The following ZNF267 variants were observed in gnomAD, a reference collection of about 807,000 sequenced individuals.
ZNF267 encodes the protein zinc finger protein 267, also known as zinc finger (C2H2).
In ZNF267, 61 loss-of-function variants were observed where a neutral mutation model predicts 71.6. The observed-to-expected ratio is 0.85, with a 90% CI of 0.69 to 1.05. The LOEUF (loss-of-function observed/expected upper bound fraction) is 1.05. Ranked by LOEUF, ZNF267 falls within the 50% of genes least tolerant of loss-of-function variation. The probability of loss-of-function intolerance (pLI) is 0.00; values close to 1 mark genes in which losing one functional copy is unlikely to be tolerated. For synonymous variants in ZNF267, 288 were observed against 293.2 expected (o/e 0.98, Z 0.18); for missense variants, 852 against 870.0 (o/e 0.98, Z 0.26).
At chr16:31,874,658 C>T (rs1347341720) in intron 1 of ZNF267, among the ~76,000 whole-genome samples, 1 of 152,086 alleles carries the variant, frequency 6.6e-6, no homozygotes, top group African/African-American at 2.4e-5. Flanking sequence ...GGTTTTTCTC[C>T]CTAGAAACCT....
chr16:31,917,143 T>C lies in ZNF267; in HGVS notation c.*662T>C, dbSNP rs1047263318. ...AATCCGTGGTGTTCATGTGAAAATA[T>C]GTGTTCTGTTTTTTTTTCTGCATCA... On this transcript the variant is annotated 3_prime_UTR_variant, in exon 4 of 4. Coordinates refer to ENST00000300870, the MANE Select transcript of ZNF267 (RefSeq NM_003414.6). The C allele has an allele frequency of 6.6e-6, 1 of 152,170 alleles. No homozygotes were observed. Among genetic ancestry groups the C allele is most frequent in the South Asian group, 2.1e-4 (1 of 4,828 alleles). 9.4% of individuals were successfully genotyped at this position (152,170 alleles called of 1,614,324 possible).
At chr16:31,912,919 A>AATGTGT (rs2084146020) in intron 3 of ZNF267, 1 of 148,030 alleles carries the variant, frequency 6.8e-6, no homozygotes, top group African/African-American at 2.7e-5. Flanking sequence ...TCTCTATTTT[A>AATGTGT]TCTTGAATTT....
chr16:31,912,143 C>G (rs757326003), intron 3 of ZNF267: 9 of 151,612 alleles, frequency 5.9e-5, no homozygotes, highest in Non-Finnish European at 7.4e-5. Context: ...CCAATGAGTT[C>G]TGTACCTTCA....
At chr16:31,902,231 G>A (rs932788411) in intron 3 of ZNF267, among the ~76,000 whole-genome samples, 1 of 152,098 alleles carries the variant, frequency 6.6e-6, no homozygotes, top group Non-Finnish European at 1.5e-5. Context: ...GTAGCATGAT[G>A]CCTCCAGCTT....
intron 1 of ZNF267, among the ~76,000 whole-genome samples, chr16:31,884,164 C>T (rs372375425): frequency 2.0e-5 from 3 of 152,314 alleles, no homozygotes; most frequent in South Asian, 2.1e-4. Flanking sequence ...AAGTATGCCT[C>T]TAAGTCACCA....
At chr16:31,887,648 CT>C (rs1472127214) in intron 3 of ZNF267, among the ~76,000 whole-genome samples, 1 of 151,986 alleles carries the variant, frequency 6.6e-6, no homozygotes, top group Admixed American at 6.5e-5. Flanking sequence ...TATACTTCCC[CT>C]TTGTGTATCT....
intron 3 of ZNF267, among the ~76,000 whole-genome samples, chr16:31,899,127 A>G (rs1279457951): frequency 2.0e-5 from 3 of 152,186 alleles, no homozygotes; most frequent in African/African-American, 7.2e-5. Context: ...GATCAAGGAG[A>G]CAGAAAATTA....
rs1033500670 is a variant in ZNF267 at position 31,917,357 on chromosome 16, A to G, written c.*876A>G. ...TATTAAAGTAAGAGGGATATTCTGA[A>G]TTTTTGAAATTACTTCAATTCCTCC... is the stretch of plus-strand genomic sequence containing the variant. On this transcript the variant is annotated 3_prime_UTR_variant, in exon 4 of 4. Coordinates refer to ENST00000300870, the MANE Select transcript of ZNF267 (RefSeq NM_003414.6). The G allele has an allele frequency of 6.8e-6, 1 of 147,888 alleles. No homozygotes were observed. Among genetic ancestry groups the G allele is most frequent in the Non-Finnish European group, 1.5e-5 (1 of 66,348 alleles). 9.2% of individuals were successfully genotyped at this position (147,888 alleles called of 1,614,324 possible).
At chr16:31,910,948 C>T (rs2084130958) in intron 3 of ZNF267, among the ~76,000 whole-genome samples, 1 of 151,436 alleles carries the variant, frequency 6.6e-6, no homozygotes, top group Admixed American at 6.6e-5. Flanking sequence ...TTTACTGATC[C>T]AATTTTCATT....
intron 3 of ZNF267, among the ~76,000 whole-genome samples, chr16:31,893,396 A>G (rs1039701444): frequency 2.0e-5 from 3 of 152,068 alleles, no homozygotes; most frequent in African/African-American, 7.3e-5. Flanking sequence ...CCCTGGAGAC[A>G]TTTTCCCCAT....
At chr16:31,885,444 T>C (rs1567472804) in intron 3 of ZNF267, among the ~76,000 whole-genome samples, 188 bp downstream of exon 3, 1 of 152,232 alleles carries the variant, frequency 6.6e-6, no homozygotes, top group East Asian at 1.9e-4. Flanking sequence ...ATCTGATGAT[T>C]CTCCTTCCTC....
chr16:31,876,585 A>G (rs951588411), intron 1 of ZNF267, among the ~76,000 whole-genome samples: 1 of 152,246 alleles, frequency 6.6e-6, no homozygotes, highest in South Asian at 2.1e-4. Context: ...TTATTTACTA[A>G]ATGATCTGTT....
intron 1 of ZNF267, among the ~76,000 whole-genome samples, chr16:31,881,193 G>C (rs1367991883): frequency 1.3e-5 from 2 of 152,162 alleles, no homozygotes; most frequent in East Asian, 1.9e-4. Flanking sequence ...ATAGGATGAA[G>C]CTTAAACTAT....
chr16:31,885,150 C>A lies in ZNF267; in HGVS notation c.131-11C>A. 6.3e-7 allele frequency: 1 copy of A among 1,576,586 alleles called. No individual in the cohort carries two copies. The highest frequency in any genetic ancestry group is 8.6e-7 in the Non-Finnish European group (1 of 1,165,748). On this transcript the variant is annotated splice_polypyrimidine_tract_variant and intron_variant, in intron 2 of 3. Coordinates refer to ENST00000300870, the MANE Select transcript of ZNF267 (RefSeq NM_003414.6). ...TCATTAAGAGTCATGTGAATTTTTC[C>A]AATAAAACAGGTCTTGTTGTCTCTA...
intron 3 of ZNF267, among the ~76,000 whole-genome samples, chr16:31,905,597 A>T (rs1339889421): frequency 6.6e-6 from 1 of 152,110 alleles, no homozygotes; most frequent in Non-Finnish European, 1.5e-5. Flanking sequence ...AGGCTTGTGC[A>T]TTCGTCACGT....
intron 3 of ZNF267, among the ~76,000 whole-genome samples, chr16:31,900,757 C>CTTT (rs35863544): frequency 2.3e-5 from 3 of 129,730 alleles, no homozygotes; most frequent in South Asian, 2.6e-4. Context: ...AGAATTCTTT[C>CTTT]TTTTTTTTTT....
chr16:31,881,437 G>A (rs1254440374), intron 1 of ZNF267, among the ~76,000 whole-genome samples: 1 of 152,114 alleles, frequency 6.6e-6, no homozygotes, highest in Non-Finnish European at 1.5e-5. Flanking sequence ...CATCTCTTCA[G>A]AGGTGGTGCT....
chr16:31,893,831 C>A lies in ZNF267; in HGVS notation c.226+8575C>A, dbSNP rs1336280576. On this transcript the variant is annotated intron_variant, in intron 3 of 3. Coordinates refer to ENST00000300870, the MANE Select transcript of ZNF267 (RefSeq NM_003414.6). ...CCTGAGAATCTCTGTGTGGGCAGGA[C>A]TTTTTTTCCAGACCATGGGTGAGAG... 2.0e-5 allele frequency among the ~76,000 whole-genome samples: 3 copies of A among 152,168 alleles called. No homozygotes were observed. The East Asian group carries it at 5.8e-4, about 29-fold the overall frequency.
chr16:31,892,286 T>C (rs1337206826), intron 3 of ZNF267, among the ~76,000 whole-genome samples: 1 of 152,110 alleles, frequency 6.6e-6, no homozygotes, highest in African/African-American at 2.4e-5. Context: ...TCCTGAGACT[T>C]ATTCATTGTC....
Sources: allele counts gnomAD v4.1 joint callset (sites outside exome capture counted in the v4.1 genomes callset), GRCh38; gene constraint gnomAD v4.1.1; transcripts MANE v1.5; gene names NCBI Gene and HGNC (gene_info 2026-07-23, HGNC 2026-07-21).